Variants in PARVB observed in about 807,000 individuals in gnomAD.
The protein encoded by PARVB is parvin beta, also known as beta-parvin.
In PARVB, 46 loss-of-function variants were observed where a neutral mutation model predicts 47.0. That is an observed-to-expected ratio of 0.98 (90% CI 0.77 to 1.25). The LOEUF is 1.25. Ranked by LOEUF, PARVB falls within the 50% of genes most tolerant of loss-of-function variation. The pLI, the probability that PARVB is intolerant of heterozygous loss-of-function variation, is 0.00. For missense variants in PARVB, 473 were observed against 471.6 expected, an observed-to-expected ratio of 1.00 and a Z score of -0.03; for synonymous variants, 196 against 196.3, an observed-to-expected ratio of 1.00 and a Z score of 0.01.
chr22:44,157,296 C>T (rs2053956632), intron 10 of PARVB, among the ~76,000 whole-genome samples: 1 of 152,112 alleles, frequency 6.6e-6, no homozygotes, highest in Admixed American at 6.6e-5. Context: ...GTGCTCCCTC[C>T]CAGCCGTCTC....
intron 1 of PARVB, among the ~76,000 whole-genome samples, chr22:44,075,249 T>C (rs923499111): frequency 3.3e-5 from 5 of 152,172 alleles, no homozygotes; most frequent in African/African-American, 1.2e-4. Context: ...CACGCATGCA[T>C]ACACTCACTC....
intron 2 of PARVB, among the ~76,000 whole-genome samples, chr22:44,005,314 T>C (rs2050453612): frequency 6.6e-6 from 1 of 150,622 alleles, no homozygotes; most frequent in South Asian, 2.1e-4. Flanking sequence ...GGTGTTGCTA[T>C]ATTGCCTAGG....
rs2051588786 is a variant in PARVB, at chr22:44,068,777, G to C, written c.113-25151G>C. ...GGCCCAGAGAGCAAAGGCAGTGGGAGGCCAATGTCTGTTGTTCAGTTTAGC... is the reference window on the plus strand; with the variant it reads ...GGCCCAGAGAGCAAAGGCAGTGGGACGCCAATGTCTGTTGTTCAGTTTAGC... On this transcript the variant is annotated intron_variant, in intron 1 of 12. Transcript: ENST00000338758. The surrounding 1 kb of genome is among the most constrained non-coding windows in gnomAD (Gnocchi z 4.1). Among the ~76,000 whole-genome samples, 1 of 152,182 alleles carries C rather than the reference G, an allele frequency of 6.6e-6. No individual in the cohort carries two copies. The highest frequency in any genetic ancestry group is 2.1e-4 in the South Asian group (1 of 4,834).
intron 1 of PARVB, among the ~76,000 whole-genome samples, chr22:44,055,564 A>T (rs956578518): frequency 1.5e-4 from 22 of 151,722 alleles, no homozygotes; most frequent in Non-Finnish European, 2.9e-5. Context: ...CGATCTCCTG[A>T]CCTCGTGATC....
At chr22:44,013,879 C>T (rs1254521183) in intron 2 of PARVB, among the ~76,000 whole-genome samples, 10 of 152,026 alleles carry the variant, frequency 6.6e-5, no homozygotes, top group Non-Finnish European at 1.3e-4. Flanking sequence ...GTGATCTGCC[C>T]ACCTCGGCCT....
At chr22:43,999,274 T>A in exon 1 of PARVB, 1 of 1,293,200 alleles carries the variant, frequency 7.7e-7, no homozygotes, top group Non-Finnish European at 1.1e-6. Context: ...GAACTCATTT[T>A]AATTTCTGAA....
At chr22:44,101,106 G>A (rs62227667) in intron 3 of PARVB, among the ~76,000 whole-genome samples, 10,329 of 152,258 alleles carry the variant, frequency 0.068, 664 homozygotes, top group African/African-American at 0.16. Flanking sequence ...TGCAAGTTAT[G>A]TTCTTTTAAA....
chr22:44,093,801 C>T, intron 1 of PARVB, 127 bp from the exon 2 acceptor site: 1 of 642,298 alleles, frequency 1.6e-6, no homozygotes, highest in Non-Finnish European at 2.8e-6. Context: ...GGCAACAGAC[C>T]TTTTAGGAAT....
At chr22:44,124,673 G>T (rs1203769251) in intron 4 of PARVB, among the ~76,000 whole-genome samples, 4 of 149,936 alleles carry the variant, frequency 2.7e-5, no homozygotes, top group Admixed American at 1.3e-4. Flanking sequence ...TCTCCCCGTG[G>T]GCCGTCCTGG....
At position 44,168,741 on chromosome 22, in the gene PARVB, T is replaced by C; in HGVS notation, c.*63T>C. The C allele has an allele frequency of 8.4e-7, 1 of 1,190,884 alleles. No homozygotes were observed. The highest frequency in any genetic ancestry group is 2.3e-5 in the East Asian group (1 of 42,744). 73.8% of individuals were successfully genotyped at this position (1,190,884 alleles called of 1,614,324 possible). On this transcript the variant is annotated 3_prime_UTR_variant, in exon 13 of 13. Coordinates refer to ENST00000338758, the MANE Select transcript of PARVB (RefSeq NM_013327.5). ...AGAAAGGCGGCATCCGTCTGTGCCC[T>C]GTGCCTTTCCAGGGAGCCAGGCGCC...
intron 1 of PARVB, among the ~76,000 whole-genome samples, chr22:44,093,140 G>A (rs759424484): frequency 5.3e-5 from 8 of 152,184 alleles, no homozygotes; most frequent in Admixed American, 3.9e-4. Flanking sequence ...TGGAGAAAGC[G>A]TGACATTACA....
Position 44,163,897 on chromosome 22 carries a change from G to A in PARVB, c.985G>A (p.Gly329Arg), listed in dbSNP as rs767347677. 23 of 1,611,060 alleles carry A rather than the reference G, an allele frequency of 1.4e-5. No homozygotes were observed. The highest frequency in any genetic ancestry group is 4.5e-5 in the East Asian group (2 of 44,778). The change falls in exon 12 of 13, where the codon GGA (glycine) becomes AGA (arginine). Residue 329 changes from glycine to arginine, a missense_variant. Physicochemically the swap from Gly to Arg is moderately radical, Grantham distance 125 (BLOSUM62 -2). Transcript: ENST00000338758. Reference protein sequence around the residue: ...VSFAFELMLDGGLKKPKARPE... With the variant: ...VSFAFELMLDRGLKKPKARPE... ...CTTCGCCTTTGAGCTGATGCTGGAC[G>A]GAGGCCTCAAGAAACCCAAGGCTCG...
At chr22:44,117,052 C>G (rs1455948429) in intron 3 of PARVB, among the ~76,000 whole-genome samples, 1 of 152,076 alleles carries the variant, frequency 6.6e-6, no homozygotes, top group Non-Finnish European at 1.5e-5. Context: ...GCCTCCCTTC[C>G]TTCCTGCCTT....
intron 2 of PARVB, among the ~76,000 whole-genome samples, chr22:44,002,750 C>G (rs981202871): frequency 6.6e-6 from 1 of 152,142 alleles, no homozygotes; most frequent in African/African-American, 2.4e-5. Flanking sequence ...GGGAGGCTGT[C>G]TCAGTCGTGC....
chr22:44,095,928 G>A (rs748860223), intron 2 of PARVB, among the ~76,000 whole-genome samples: 1 of 152,196 alleles, frequency 6.6e-6, no homozygotes, highest in East Asian at 1.9e-4. Flanking sequence ...CCTCCGCTTA[G>A]AAGAGAGTGG....
chr22:44,148,265 A>G (rs2053730397), intron 9 of PARVB: 7 of 365,950 alleles, frequency 1.9e-5, no homozygotes, highest in South Asian at 1.3e-4. Context: ...TTTACCATCT[A>G]CAGCCTGCCC....
intron 1 of PARVB, among the ~76,000 whole-genome samples, chr22:44,050,801 C>A (rs1030475450): frequency 9.2e-5 from 14 of 152,214 alleles, no homozygotes; most frequent in African/African-American, 2.4e-5. Flanking sequence ...ACCTCTCTCA[C>A]CTGTCTTGCA....
Position 44,168,945 on chromosome 22 carries a change from G to A in PARVB, c.*267G>A, listed in dbSNP as rs80138948. The A allele has an allele frequency of 1.5e-3, 616 of 406,452 alleles. 5 individuals are homozygous for A. The highest frequency in any genetic ancestry group is 9.9e-3 in the African/African-American group (491 of 49,716). 25.2% of individuals were successfully genotyped at this position (406,452 alleles called of 1,614,324 possible). A position where few individuals can be genotyped will look rare whatever the true frequency, so the allele number is the denominator to read the frequency against. ...CACTCGTGCTTGCGTTTGAAGCCTC[G>A]CGTCACTCAGTCGCGTGGGATGATG... is the stretch of plus-strand genomic sequence containing the variant. On this transcript the variant is annotated 3_prime_UTR_variant, in exon 13 of 13. Transcript: ENST00000338758.
At chr22:44,006,493 C>T (rs2050466458) in intron 2 of PARVB, among the ~76,000 whole-genome samples, 2 of 152,166 alleles carry the variant, frequency 1.3e-5, no homozygotes, top group Non-Finnish European at 2.9e-5. Context: ...GGCGTGGTGG[C>T]ATGCGCCTGT....
Sources: gnomAD v4.1 joint callset for allele counts (sites outside exome capture counted in the v4.1 genomes callset) on GRCh38, gnomAD v4.1.1 for gene constraint, Gnocchi (gnomAD v3.1) non-coding constraint, MANE v1.5 for transcripts, NCBI Gene and HGNC (gene_info 2026-07-23, HGNC 2026-07-21) for gene names.